ADGB: variants seen among roughly 807,000 people sequenced by gnomAD.
ADGB encodes androglobin.
A neutral mutation model predicts 210.5 loss-of-function variants in ADGB; 172 were observed. The ratio of observed to expected loss-of-function variants is 0.82; its 90% CI spans 0.72 to 0.93. ADGB has a LOEUF of 0.93. Ranked by LOEUF, ADGB falls within the 40% of genes least tolerant of loss-of-function variation. The pLI, the probability that ADGB is intolerant of heterozygous loss-of-function variation, is 0.00. For synonymous variants in ADGB, 658 were observed against 662.7 expected (o/e 0.99, Z 0.11); for missense variants, 2,025 against 1,964.8 (o/e 1.03, Z -0.58).
Position 146,672,437 on chromosome 6 carries a change from G to T in ADGB, c.1057G>T (p.Ala353Ser), listed in dbSNP as rs73571870. ...KPESSLTTLK[A>S]PEKSDKVPKE... ...TGAAAGTTCTTTGACAACACTAAAGGCTCCTGAGAAAAGCGACAAAGTTCC... is the reference window on the plus strand; with the variant it reads ...TGAAAGTTCTTTGACAACACTAAAGTCTCCTGAGAAAAGCGACAAAGTTCC... Residue 353 changes from alanine to serine, a missense_variant, in exon 8 of 36, where the codon GCT becomes TCT. Coordinates refer to ENST00000397944, the MANE Select transcript of ADGB (RefSeq NM_024694.4). The T allele has an allele frequency of 5.2e-6, 8 of 1,546,170 alleles. No homozygotes were observed. The South Asian group carries it at 6.0e-5, about 12-fold the overall frequency.
At chr6:146,787,267 T>A (rs1777886408) in intron 32 of ADGB, among the ~76,000 whole-genome samples, 1 of 152,124 alleles carries the variant, frequency 6.6e-6, no homozygotes, top group Non-Finnish European at 1.5e-5. Flanking sequence ...ACTGCTTAGA[T>A]CAAGATTGGA....
At chr6:146,636,926 A>G (rs2114860527) in intron 2 of ADGB, among the ~76,000 whole-genome samples, 1 of 152,150 alleles carries the variant, frequency 6.6e-6, no homozygotes, top group Non-Finnish European at 1.5e-5. Flanking sequence ...TCATCAGGAA[A>G]TCAGCCTCAG....
intron 1 of ADGB, among the ~76,000 whole-genome samples, chr6:146,602,747 A>C (rs1464902894): frequency 6.6e-6 from 1 of 152,150 alleles, no homozygotes; most frequent in Non-Finnish European, 1.5e-5. Flanking sequence ...GAGGCAGGGG[A>C]GTCAACATTT....
chr6:146,661,220 C>CTTTTTTTTTTTTTTTTTTT (rs5880682), intron 5 of ADGB, among the ~76,000 whole-genome samples: 26 of 116,060 alleles, frequency 2.2e-4, no homozygotes, highest in Non-Finnish European at 3.4e-4. Flanking sequence ...TTCTTTTTTT[C>CTTTTTTTTTTTTTTTTTTT]TTTTTTTTTT....
At chr6:146,604,567 A>AC (rs1402205438) in intron 1 of ADGB, among the ~76,000 whole-genome samples, 2 of 151,294 alleles carry the variant, frequency 1.3e-5, no homozygotes, top group Admixed American at 6.6e-5. Context: ...CTTAAAAATG[A>AC]CAAAAAAAAA....
chr6:146,746,018 C>T lies in ADGB; in HGVS notation c.3274C>T (p.Pro1092Ser), dbSNP rs1183843612. 1.3e-6 allele frequency: 2 copies of T among 1,551,182 alleles called. No homozygotes were observed. The highest frequency in any genetic ancestry group is 1.7e-6 in the Non-Finnish European group (2 of 1,146,752). The change falls in exon 26 of 36, where the codon CCA (proline) becomes TCA (serine). Residue 1092 changes from proline to serine, a missense_variant. Pro to Ser is a moderately conservative substitution (Grantham distance 74, BLOSUM62 -1). Coordinates refer to ENST00000397944, the MANE Select transcript of ADGB (RefSeq NM_024694.4). ...LRLIGSSAPL[P>S]CLSRDSPCNS... ...TCTCATCGGTTCTTCTGCTCCACTG[C>T]CATGCCTCTCTCGAGACTCTCCATG...
At chr6:146,801,667 C>A (rs1778134668) in intron 34 of ADGB, among the ~76,000 whole-genome samples, 161 bp from the exon 35 acceptor site, 2 of 152,182 alleles carry the variant, frequency 1.3e-5, no homozygotes, top group African/African-American at 4.8e-5. Context: ...TGGAGCATAG[C>A]ATATCTAGAA....
chr6:146,666,005 G>T (rs945008879), intron 6 of ADGB, among the ~76,000 whole-genome samples: 1 of 152,004 alleles, frequency 6.6e-6, no homozygotes, highest in African/African-American at 2.4e-5. Context: ...TTTGAAATAC[G>T]TAGACATATA....
chr6:146,699,747 A>AT (rs34498198), intron 12 of ADGB, among the ~76,000 whole-genome samples: 98,558 of 151,892 alleles, frequency 0.65, 32,578 homozygotes, highest in African/African-American at 0.77. Context: ...CATATCAGAG[A>AT]TTTGTGGGTT....
intron 33 of ADGB, among the ~76,000 whole-genome samples, chr6:146,799,058 C>CAAAAAAAAAAAA (rs71552962): frequency 4.1e-4 from 26 of 63,480 alleles, no homozygotes; most frequent in African/African-American, 1.3e-3. Context: ...TATGGAAATG[C>CAAAAAAAAAAAA]AAAAAAAAAA....
chr6:146,814,464 G>A (rs1008741308), intron 35 of ADGB, among the ~76,000 whole-genome samples: 2 of 152,152 alleles, frequency 1.3e-5, no homozygotes, highest in African/African-American at 2.4e-5. Context: ...AGGAGAGAGT[G>A]CAGTTAAGCA....
intron 3 of ADGB, among the ~76,000 whole-genome samples, chr6:146,645,999 A>G (rs1775604457): frequency 6.6e-6 from 1 of 152,150 alleles, no homozygotes; most frequent in African/African-American, 2.4e-5. Context: ...TTAATGTGTT[A>G]CTAACAATAT....
At chr6:146,691,001 TG>T (rs1776297452) in intron 10 of ADGB, 114 bp from the exon 11 acceptor site, 14 of 700,244 alleles carry the variant, frequency 2.0e-5, no homozygotes, top group Non-Finnish European at 3.0e-5. Context: ...AGATATTGGG[TG>T]ATTTTTTTTC....
At chr6:146,685,851 CAG>C in intron 10 of ADGB, 23 bp downstream of exon 10, 1 of 1,457,174 alleles carries the variant, frequency 6.9e-7, no homozygotes. Flanking sequence ...GCTTAGGAAA[CAG>C]TATTATTTAT....
chr6:146,606,615 A>G (rs560579661), intron 1 of ADGB, among the ~76,000 whole-genome samples: 1 of 152,330 alleles, frequency 6.6e-6, no homozygotes, highest in East Asian at 1.9e-4. Context: ...AATCTCCTAT[A>G]GATGGCTGGC....
At chr6:146,628,759 A>T (rs1781017830) in intron 1 of ADGB, among the ~76,000 whole-genome samples, 1 of 151,954 alleles carries the variant, frequency 6.6e-6, no homozygotes, top group South Asian at 2.1e-4. Context: ...TTCCGTAAGA[A>T]GTTTCTCTGA....
intron 29 of ADGB, among the ~76,000 whole-genome samples, chr6:146,774,746 G>A (rs1384371394): frequency 6.6e-6 from 1 of 152,262 alleles, no homozygotes; most frequent in Non-Finnish European, 1.5e-5. Context: ...AGTGCATGAT[G>A]TATTTCACAC....
chr6:146,725,739 C>G (rs1389154605), intron 18 of ADGB: 1 of 180,090 alleles, frequency 5.6e-6, no homozygotes, highest in Non-Finnish European at 1.2e-5. Context: ...GTCTACACAG[C>G]CCTATACCTG....
chr6:146,632,821 G>T (rs1330888013), intron 1 of ADGB, among the ~76,000 whole-genome samples: 2 of 152,128 alleles, frequency 1.3e-5, no homozygotes, highest in Non-Finnish European at 2.9e-5. Context: ...GTCTGGCTTA[G>T]TTGGAGGCTT....
Sources: gnomAD v4.1 joint callset for allele counts (sites outside exome capture counted in the v4.1 genomes callset) on GRCh38, gnomAD v4.1.1 for gene constraint, MANE v1.5 for transcripts, NCBI Gene and HGNC (gene_info 2026-07-23, HGNC 2026-07-21) for gene names.